CMYA5: variants seen among roughly 807,000 people sequenced by gnomAD.
CMYA5 encodes the protein cardiomyopathy associated 5, also known as cardiomyopathy-associated protein 5.
CMYA5 carries 246 observed loss-of-function variants against 318.9 expected under a neutral mutation model. That is an observed-to-expected ratio of 0.77 (90% confidence interval 0.70 to 0.86). The LOEUF (loss-of-function observed/expected upper bound fraction) is 0.86, where lower values mean the gene tolerates loss of function less well. Ranked by LOEUF, CMYA5 falls within the 40% of genes least tolerant of loss-of-function variation. CMYA5 has a pLI of 0.00. For missense variants in CMYA5, 4,589 were observed against 4,678.2 expected, an observed-to-expected ratio of 0.98 and a Z score of 0.56; for synonymous variants, 1,641 against 1,729.5, an observed-to-expected ratio of 0.95 and a Z score of 1.27.
intron 1 of CMYA5, among the ~76,000 whole-genome samples, chr5:79,710,549 C>T (rs572283310): frequency 6.6e-6 from 1 of 152,194 alleles, no homozygotes; most frequent in Admixed American, 6.5e-5. Context: ...GTAAAAGAGG[C>T]ACATCTCAGG....
In CMYA5 at chr5:79,720,427, AATTTTTT is replaced by A. The variant is rs759652710; in HGVS notation, c.150-8487_150-8481del. 4.3e-3 allele frequency among the ~76,000 whole-genome samples: 586 copies of A among 136,820 alleles called. 8 individuals are homozygous for A. The highest frequency in any genetic ancestry group is 0.015 in the Middle Eastern group (4 of 272). The allele number at this position is 136,820 out of a possible 152,430, so 89.8% of individuals were successfully genotyped here. A position where few individuals can be genotyped will look rare whatever the true frequency, so the allele number is the denominator to read the frequency against. On this transcript the variant is annotated intron_variant, in intron 1 of 12. Coordinates refer to ENST00000446378, the MANE Select transcript of CMYA5 (RefSeq NM_153610.5). The stretch of plus-strand genomic sequence containing the variant: ...CTAAGATAAAAATAACTGCCAATCT[AATTTTTT>A]TTTTTTTTTTTTTTTTTTTGAGAAG...
rs1407230374 is a variant in CMYA5 at position 79,729,651 on chromosome 5, G to A, written c.886G>A (p.Val296Ile). 33 of 1,613,740 alleles carry A rather than the reference G, an allele frequency of 2.0e-5. No homozygotes were observed. Among genetic ancestry groups the A allele is most frequent in the Non-Finnish European group, 2.8e-5 (33 of 1,179,802 alleles). ...AGTAGCCCAAAGCATAGAGGATAAA[G>A]TAAAAGAGGTTTTTCCACCCTGGAG... ...KLVAQSIEDK[V>I]KEVFPPWRGA... Residue 296 changes from valine to isoleucine, a missense_variant, in exon 2 of 13, where the codon GTA (valine) becomes ATA (isoleucine). Around this residue, in one of 3 missense-constraint regions of CMYA5, gnomAD observed 2,132 missense variants for 2,131.3 expected, o/e 1.00. Coordinates refer to ENST00000446378, the MANE Select transcript of CMYA5 (RefSeq NM_153610.5).
At chr5:79,705,510 A>G (rs1236015818) in intron 1 of CMYA5, among the ~76,000 whole-genome samples, 2 of 152,072 alleles carry the variant, frequency 1.3e-5, no homozygotes, top group Non-Finnish European at 2.9e-5. Flanking sequence ...TAATCACCAC[A>G]ACATGCCTGC....
rs149666674 is a variant in CMYA5, at chr5:79,695,315, A to G, written c.149+5259A>G. ...TTTAATTTTAAATTTTCTAATAGCC[A>G]CATTTTAAAAAGCAGAAAGAAACAA... On this transcript the variant is annotated intron_variant, in intron 1 of 12. Coordinates refer to ENST00000446378, the MANE Select transcript of CMYA5 (RefSeq NM_153610.5). Among the ~76,000 whole-genome samples, 971 of 152,334 alleles carry G rather than the reference A, an allele frequency of 6.4e-3. 6 individuals carry two copies. The highest frequency in any genetic ancestry group is 0.017 in the Middle Eastern group (5 of 294).
rs537814723 is a variant in CMYA5 at position 79,709,161 on chromosome 5, G to A, written c.149+19105G>A. ...GTATGGGTAAGAATGTGTGGCTCTC[G>A]TACACACTACTGATAGGAATGCAAA... On this transcript the variant is annotated intron_variant, in intron 1 of 12. Transcript: ENST00000446378. 3.6e-4 allele frequency among the ~76,000 whole-genome samples: 55 copies of A among 152,110 alleles called. 1 individual carries two copies. Among genetic ancestry groups the A allele is most frequent in the African/African-American group, 1.3e-3 (53 of 41,480 alleles).
Position 79,729,653 on chromosome 5 carries a change from A to G in CMYA5, c.888A>G (p.Val296=), listed in dbSNP as rs1315979490. 1 of 1,613,724 alleles carries G rather than the reference A, an allele frequency of 6.2e-7. No homozygotes were observed. The highest frequency in any genetic ancestry group is 1.1e-5 in the South Asian group (1 of 91,016). The part of the protein sequence containing the change: ...KLVAQSIEDK[V]KEVFPPWRGA... ...TAGCCCAAAGCATAGAGGATAAAGT[A>G]AAAGAGGTTTTTCCACCCTGGAGAG... Residue 296 remains valine, a synonymous_variant, in exon 2 of 13, where the codon GTA becomes GTG. Transcript: ENST00000446378.
intron 1 of CMYA5, among the ~76,000 whole-genome samples, chr5:79,711,357 G>A (rs556847711): frequency 1.3e-5 from 2 of 152,156 alleles, no homozygotes; most frequent in Admixed American, 6.6e-5. Flanking sequence ...GCCACCAACC[G>A]TACCTGGCAG....
intron 10 of CMYA5, 59 bp from the exon 11 acceptor site, chr5:79,790,911 C>T: frequency 2.6e-6 from 3 of 1,153,988 alleles, no homozygotes; most frequent in Non-Finnish European, 2.6e-6. Flanking sequence ...GGGGCTTAGC[C>T]TAGGGACAGC....
At chr5:79,724,611 G>C (rs1266501536) in intron 1 of CMYA5, among the ~76,000 whole-genome samples, 1 of 152,124 alleles carries the variant, frequency 6.6e-6, no homozygotes, top group African/African-American at 2.4e-5. Flanking sequence ...TAATCAGAAG[G>C]TTGCTTTGTG....
rs771873342 is a variant in CMYA5, at chr5:79,739,104, C to T, written c.10339C>T (p.Pro3447Ser). The T allele has an allele frequency of 1.9e-6, 3 of 1,613,760 alleles. No individual in the cohort carries two copies. Among genetic ancestry groups the T allele is most frequent in the African/African-American group, 1.3e-5 (1 of 75,026 alleles). ...LSEELSSEST[P>S]EDVLSQGKES... ...AGAAGAACTGTCTTCAGAATCCACA[C>T]CTGAAGATGTCTTATCTCAAGGAAA... The change falls in exon 2 of 13, where the codon CCT (proline) becomes TCT (serine). Residue 3447 changes from proline (P) to serine (S), a missense_variant. Physicochemically the swap from Pro to Ser is moderately conservative, Grantham distance 74. Transcript: ENST00000446378.
chr5:79,727,900 T>C (rs141336773), intron 1 of CMYA5, among the ~76,000 whole-genome samples: 2 of 152,214 alleles, frequency 1.3e-5, no homozygotes, highest in Admixed American at 6.5e-5. Flanking sequence ...CTTTCCACAC[T>C]TCTGTATCCT....
In CMYA5 at chr5:79,752,788, G is replaced by C; in HGVS notation, c.11104G>C (p.Val3702Leu). The C allele has an allele frequency of 4.3e-6, 7 of 1,610,644 alleles. No individual in the cohort carries two copies. Among genetic ancestry groups the C allele is most frequent in the Non-Finnish European group, 5.9e-6 (7 of 1,177,444 alleles). ...AAGAAGTGACCAGATGTTAAAACAAGTGGCTGGTAAGCATTTTAATATATT... is the reference window on the plus strand; with the variant it reads ...AAGAAGTGACCAGATGTTAAAACAACTGGCTGGTAAGCATTTTAATATATT... Reference protein sequence around the residue: ...SARSDQMLKQVAVPQPPRLEP... With the variant: ...SARSDQMLKQLAVPQPPRLEP... The change falls in exon 6 of 13, where the codon GTG (valine) becomes CTG (leucine). Residue 3702 changes from valine to leucine, a missense_variant. Transcript: ENST00000446378.
chr5:79,746,367 T>C (rs1188648960), intron 4 of CMYA5, among the ~76,000 whole-genome samples: 3 of 152,288 alleles, frequency 2.0e-5, no homozygotes, highest in African/African-American at 7.2e-5. Flanking sequence ...ACATGGCCAT[T>C]CTCAAAGAGA....
In CMYA5 at chr5:79,743,732, G is replaced by A. The variant is rs138095396; in HGVS notation, c.10639-95G>A. 53 of 636,120 alleles carry A rather than the reference G, an allele frequency of 8.3e-5. No individual in the cohort carries two copies. The East Asian group carries it at 1.4e-3, about 16-fold the overall frequency. The allele number at this position is 636,120 out of a possible 1,614,324, so 39.4% of individuals were successfully genotyped here. On this transcript the variant is annotated intron_variant, in intron 2 of 12. Coordinates refer to ENST00000446378, the MANE Select transcript of CMYA5 (RefSeq NM_153610.5). ...TGGATATAGTATAGTAAGTCTCTAC[G>A]AAACATACTAAATTTATAAGGAACT...
chr5:79,761,809 A>G lies in CMYA5; in HGVS notation c.11261-2A>G, dbSNP rs111476407. The G allele has an allele frequency of 3.9e-5, 63 of 1,612,028 alleles. No individual in the cohort carries two copies. The East Asian group carries it at 1.4e-3, about 36-fold the overall frequency. The stretch of plus-strand genomic sequence containing the variant: ...TTCGATTTTAATTGTGTCTTATGCT[A>G]GAGTTGGTAGAAGAATACAGACTGA... On this transcript the variant is annotated splice_acceptor_variant, in intron 7 of 12. Transcript: ENST00000446378. LOFTEE classifies it high-confidence loss of function.
chr5:79,756,126 A>G (rs1386093401), intron 6 of CMYA5, among the ~76,000 whole-genome samples: 1 of 127,254 alleles, frequency 7.9e-6, no homozygotes, highest in African/African-American at 2.8e-5. Context: ...ACTGAACTAC[A>G]TTTTTCTGGA....
At chr5:79,720,330 G>A (rs1827595911) in intron 1 of CMYA5, among the ~76,000 whole-genome samples, 1 of 151,502 alleles carries the variant, frequency 6.6e-6, no homozygotes, top group African/African-American at 2.4e-5. Context: ...AAAAGTGACA[G>A]TTACACTGAC....
At chr5:79,747,322 T>C (rs1014889550) in intron 5 of CMYA5, among the ~76,000 whole-genome samples, 4 of 152,216 alleles carry the variant, frequency 2.6e-5, no homozygotes, top group African/African-American at 9.6e-5. Flanking sequence ...ACAATTATCA[T>C]AATGTAGATT....
At chr5:79,761,983 A>G (rs1204716925) in intron 8 of CMYA5, 26 bp downstream of exon 8, 2 of 1,600,114 alleles carry the variant, frequency 1.2e-6, no homozygotes, top group Non-Finnish European at 1.7e-6. Flanking sequence ...CTAAGGGTGC[A>G]TTAGAAGACA....
Sources: allele counts gnomAD v4.1 joint callset (sites outside exome capture counted in the v4.1 genomes callset), GRCh38; gene constraint gnomAD v4.1.1; regional missense constraint gnomAD v4.1.1; transcripts MANE v1.5; gene names NCBI Gene and HGNC (gene_info 2026-07-23, HGNC 2026-07-21).